Variants in HACD2 observed in about 807,000 individuals in gnomAD.
HACD2 encodes very-long-chain (3R)-3-hydroxyacyl-CoA dehydratase 2.
In HACD2, 15 loss-of-function variants were observed where a neutral mutation model predicts 31.0. The ratio of observed to expected loss-of-function variants is 0.48; its 90% CI spans 0.32 to 0.75. The LOEUF (loss-of-function observed/expected upper bound fraction) is 0.75, where lower values mean the gene tolerates loss of function less well. HACD2 is among the 30% of genes least tolerant of loss of function. HACD2 has a pLI of 0.03. For missense variants in HACD2, 283 were observed against 313.0 expected (o/e 0.90, Z 0.72); for synonymous variants, 115 against 122.2 (o/e 0.94, Z 0.39).
At chr3:123,505,297 C>T (rs2055960818) in intron 4 of HACD2, among the ~76,000 whole-genome samples, 1 of 152,088 alleles carries the variant, frequency 6.6e-6, no homozygotes, top group South Asian at 2.1e-4. Flanking sequence ...TATGGAGTTC[C>T]AGTTTGGGAG....
chr3:123,571,905 T>C (rs2056859458), intron 2 of HACD2, among the ~76,000 whole-genome samples: 1 of 152,206 alleles, frequency 6.6e-6, no homozygotes, highest in South Asian at 2.1e-4. Context: ...TATTAATATG[T>C]ACTACAAAAT....
At chr3:123,541,128 G>T (rs776890999) in intron 3 of HACD2, among the ~76,000 whole-genome samples, 1 of 152,022 alleles carries the variant, frequency 6.6e-6, no homozygotes, top group Non-Finnish European at 1.5e-5. Flanking sequence ...AAAATTAGCC[G>T]GGTGTGGTGG....
At chr3:123,523,010 C>T (rs1390670357) in intron 4 of HACD2, among the ~76,000 whole-genome samples, 2 of 152,168 alleles carry the variant, frequency 1.3e-5, no homozygotes, top group South Asian at 2.1e-4. Flanking sequence ...CATGATACCA[C>T]GTTCACGGAT....
intron 6 of HACD2, among the ~76,000 whole-genome samples, chr3:123,497,412 T>C (rs2055847153): frequency 6.6e-6 from 1 of 152,140 alleles, no homozygotes; most frequent in South Asian, 2.1e-4. Context: ...TTTAAGAAGA[T>C]GGCCAGCCCT....
chr3:123,532,626 T>A (rs1356356077), intron 3 of HACD2, among the ~76,000 whole-genome samples: 1 of 151,656 alleles, frequency 6.6e-6, no homozygotes, highest in South Asian at 2.1e-4. Context: ...AGGTCCGGAG[T>A]TTGAGACCAA....
intron 4 of HACD2, among the ~76,000 whole-genome samples, chr3:123,517,952 GGAGGCCGAGGCGGGC>G (rs1398134325): frequency 0.77 from 6,426 of 8,376 alleles, 3,172 homozygotes; most frequent in Middle Eastern, 1. Context: ...CAGCACTTTG[GGAGGCCGAGGCGGGC>G]GGATCACGAG....
chr3:123,498,682 G>A (rs1310768025), intron 6 of HACD2, among the ~76,000 whole-genome samples: 2 of 152,206 alleles, frequency 1.3e-5, no homozygotes, highest in African/African-American at 2.4e-5. Context: ...TGTCTTCCAT[G>A]AAACCGGTCC....
At chr3:123,569,515 C>T (rs1035268276) in intron 2 of HACD2, among the ~76,000 whole-genome samples, 2 of 152,172 alleles carry the variant, frequency 1.3e-5, no homozygotes, top group Non-Finnish European at 2.9e-5. Context: ...GCAATTGCCA[C>T]TACGCCTGGC....
chr3:123,522,332 C>T (rs200724276), intron 4 of HACD2, among the ~76,000 whole-genome samples: 2 of 116,910 alleles, frequency 1.7e-5, no homozygotes, highest in African/African-American at 6.8e-5. Context: ...TGTCTCCAAA[C>T]AAAAAAAAAA....
chr3:123,567,743 G>A lies in HACD2; in HGVS notation c.292+19C>T, dbSNP rs758961993. 7.6e-6 allele frequency: 11 copies of A among 1,438,826 alleles called. No individual in the cohort carries two copies. In the South Asian group the frequency reaches 1.3e-4, roughly 17 times the overall value. The allele number at this position is 1,438,826 out of a possible 1,614,324, so 89.1% of individuals were successfully genotyped here. ...AGCAGAATTCACTGTACATAGTAGGGGGGAATATCCATACTTACCTATAGC... is the reference window on the plus strand; with the variant it reads ...AGCAGAATTCACTGTACATAGTAGGAGGGAATATCCATACTTACCTATAGC... On this transcript the variant is annotated intron_variant, in intron 3 of 6. Coordinates refer to ENST00000383657, the MANE Select transcript of HACD2 (RefSeq NM_198402.5).
chr3:123,565,518 A>G (rs372281528), intron 3 of HACD2, among the ~76,000 whole-genome samples: 35 of 152,176 alleles, frequency 2.3e-4, no homozygotes, highest in African/African-American at 8.2e-4. Context: ...ACAGGCCCTC[A>G]CCAGACAGGG....
At chr3:123,531,460 C>A (rs1383946171) in intron 3 of HACD2, among the ~76,000 whole-genome samples, 1 of 152,138 alleles carries the variant, frequency 6.6e-6, no homozygotes, top group African/African-American at 2.4e-5. Flanking sequence ...TCTGGGATTA[C>A]AGGTATGCAC....
At chr3:123,581,489 T>C (rs996149405) in intron 2 of HACD2, among the ~76,000 whole-genome samples, 4 of 152,104 alleles carry the variant, frequency 2.6e-5, no homozygotes, top group African/African-American at 7.2e-5. Context: ...ACACCCTCCC[T>C]GTTTCCCACC....
intron 3 of HACD2, among the ~76,000 whole-genome samples, chr3:123,560,889 T>TTC (rs1446920596): frequency 6.6e-6 from 1 of 152,120 alleles, no homozygotes; most frequent in East Asian, 1.9e-4. Flanking sequence ...TGGGCACAGG[T>TTC]GTGAAAGCAG....
At chr3:123,555,407 T>C (rs1436921854) in intron 3 of HACD2, among the ~76,000 whole-genome samples, 3 of 152,044 alleles carry the variant, frequency 2.0e-5, no homozygotes, top group Admixed American at 2.0e-4. Flanking sequence ...GGTCACAGGA[T>C]ATAAGATCAA....
intron 3 of HACD2, among the ~76,000 whole-genome samples, chr3:123,530,794 C>A (rs2056351004): frequency 6.6e-6 from 1 of 152,156 alleles, no homozygotes; most frequent in South Asian, 2.1e-4. Flanking sequence ...TCACACAATT[C>A]TCCTGCCTTG....
chr3:123,549,087 C>G (rs989611250), intron 3 of HACD2, among the ~76,000 whole-genome samples: 2 of 151,464 alleles, frequency 1.3e-5, no homozygotes, highest in Admixed American at 1.3e-4. Context: ...ATGAATAGAA[C>G]TAATTAATAT....
chr3:123,540,512 C>T lies in HACD2; in HGVS notation c.293-12038G>A, dbSNP rs188450430. ...CTGAAGATAACTTAAAAGGGTGTCA[C>T]GTTTTGAAAAAGATGAAAATGTGAA... On this transcript the variant is annotated intron_variant, in intron 3 of 6. Transcript: ENST00000383657. 9.1e-3 allele frequency among the ~76,000 whole-genome samples: 1,389 copies of T among 152,238 alleles called. 80 individuals are homozygous for T. Among genetic ancestry groups the T allele is most frequent in the Admixed American group, 0.087 (1,329 of 15,296 alleles).
At chr3:123,525,189 G>C (rs986047022) in intron 4 of HACD2, among the ~76,000 whole-genome samples, 4 of 152,172 alleles carry the variant, frequency 2.6e-5, no homozygotes, top group Non-Finnish European at 5.9e-5. Flanking sequence ...TGTTTCGCCA[G>C]AGCTTTTGTT....
Sources: allele counts gnomAD v4.1 joint callset (sites outside exome capture counted in the v4.1 genomes callset), GRCh38; gene constraint gnomAD v4.1.1; transcripts MANE v1.5; gene names NCBI Gene and HGNC (gene_info 2026-07-23, HGNC 2026-07-21).